The following XPNPEP1 variants were observed in gnomAD, a reference collection of about 807,000 sequenced individuals.
XPNPEP1 encodes xaa-Pro aminopeptidase 1.
Under a neutral mutation model 92.4 loss-of-function variants are expected in XPNPEP1, and 39 were observed. The observed-to-expected ratio is 0.42, with a 90% confidence interval of 0.33 to 0.55. The LOEUF is 0.55. XPNPEP1 is among the 20% of genes least tolerant of loss of function. XPNPEP1 has a pLI of 0.08. For synonymous variants in XPNPEP1, 307 were observed against 299.4 expected (o/e 1.03, Z -0.26); for missense variants, 654 against 856.1 (o/e 0.76, Z 2.95).
At chr10:109,909,001 T>G (rs1192382046) in intron 2 of XPNPEP1, among the ~76,000 whole-genome samples, 1 of 148,278 alleles carries the variant, frequency 6.7e-6, no homozygotes, top group African/African-American at 2.5e-5. Context: ...CCGGGTGCGG[T>G]GGCTCACACC....
chr10:109,909,592 T>A (rs1230909816), intron 2 of XPNPEP1, among the ~76,000 whole-genome samples: 2 of 152,186 alleles, frequency 1.3e-5, no homozygotes, highest in Non-Finnish European at 2.9e-5. Context: ...AGACCTTTTC[T>A]CAACAATCAC....
intron 14 of XPNPEP1, 50 bp from the exon 15 acceptor site, chr10:109,875,649 T>C: frequency 6.5e-7 from 1 of 1,548,148 alleles, no homozygotes; most frequent in Non-Finnish European, 8.9e-7. Flanking sequence ...AAACACTTAG[T>C]GAATCTGGGA....
chr10:109,893,165 A>C (rs1209096884), intron 3 of XPNPEP1, 90 bp from the exon 4 acceptor site: 1 of 1,229,032 alleles, frequency 8.1e-7, no homozygotes, highest in Non-Finnish European at 1.2e-6. Context: ...CTCAGCGGGG[A>C]CTATGAAGAC....
chr10:109,885,211 AAC>A (rs1161228991), intron 8 of XPNPEP1, among the ~76,000 whole-genome samples: 1 of 152,234 alleles, frequency 6.6e-6, no homozygotes, highest in African/African-American at 2.4e-5. Context: ...TCCTTAGGGA[AAC>A]AGTTAAATAA....
At chr10:109,868,112 G>A (rs567189889) in intron 20 of XPNPEP1, among the ~76,000 whole-genome samples, 70 of 152,190 alleles carry the variant, frequency 4.6e-4, no homozygotes, top group Admixed American at 9.8e-4. Flanking sequence ...AGTAGTAACC[G>A]AGAAGGGCTG....
intron 20 of XPNPEP1, among the ~76,000 whole-genome samples, chr10:109,865,728 A>C (rs1847104152): frequency 6.6e-6 from 1 of 152,162 alleles, no homozygotes; most frequent in Non-Finnish European, 1.5e-5. Context: ...TCCTATATCC[A>C]CTGAAAAAGC....
At chr10:109,884,429 C>T (rs528533910) in intron 8 of XPNPEP1, 2 of 357,630 alleles carry the variant, frequency 5.6e-6, no homozygotes, top group African/African-American at 2.1e-5. Flanking sequence ...GAACTGCCCC[C>T]ACAAGGAGTT....
intron 20 of XPNPEP1, among the ~76,000 whole-genome samples, chr10:109,868,354 C>T (rs971395807): frequency 2.6e-5 from 4 of 151,700 alleles, no homozygotes; most frequent in Admixed American, 2.6e-4. Context: ...ATACGAGTTC[C>T]ACCCACAAAC....
chr10:109,918,867 GGAA>G (rs1380757892), intron 1 of XPNPEP1, among the ~76,000 whole-genome samples: 8 of 46,118 alleles, frequency 1.7e-4, no homozygotes, highest in African/African-American at 8.8e-4. Flanking sequence ...AGGGAAGGAA[GGAA>G]GGAAGGAAGG....
intron 2 of XPNPEP1, among the ~76,000 whole-genome samples, chr10:109,913,010 G>A (rs1355248003): frequency 6.6e-6 from 1 of 152,180 alleles, no homozygotes; most frequent in Non-Finnish European, 1.5e-5. Flanking sequence ...TTTCAGAAAT[G>A]TTAGAAACAG....
At chr10:109,888,659 A>C in intron 5 of XPNPEP1, 64 bp from the exon 6 acceptor site, 1 of 1,319,804 alleles carries the variant, frequency 7.6e-7, no homozygotes, top group Non-Finnish European at 1.0e-6. Flanking sequence ...TCCCACCAGA[A>C]AGATACAATT....
chr10:109,879,910 TATA>T (rs1847996951), intron 12 of XPNPEP1, among the ~76,000 whole-genome samples: 1 of 152,214 alleles, frequency 6.6e-6, no homozygotes. Flanking sequence ...CATTTTTCCT[TATA>T]ATGAAATTCC....
At chr10:109,868,413 G>A (rs540419126) in intron 20 of XPNPEP1, among the ~76,000 whole-genome samples, 29 of 151,814 alleles carry the variant, frequency 1.9e-4, no homozygotes, top group Non-Finnish European at 3.7e-4. Flanking sequence ...TCCACCTGGA[G>A]GCCCAACAAA....
chr10:109,923,272 G>C (rs1850659139), intron 1 of XPNPEP1, 130 bp downstream of exon 1: 1 of 1,195,892 alleles, frequency 8.4e-7, no homozygotes, highest in African/African-American at 1.6e-5. Context: ...CGGCGAGCGC[G>C]GCCCTCGCCA....
intron 20 of XPNPEP1, among the ~76,000 whole-genome samples, chr10:109,866,274 T>C (rs1847138534): frequency 2.6e-5 from 4 of 152,100 alleles, no homozygotes; most frequent in Admixed American, 2.0e-4. Flanking sequence ...CACAAACCCA[T>C]TAATTACAAG....
At chr10:109,878,971 G>A (rs542996083) in intron 12 of XPNPEP1, among the ~76,000 whole-genome samples, 29 of 152,194 alleles carry the variant, frequency 1.9e-4, no homozygotes, top group East Asian at 5.8e-4. Flanking sequence ...GGCCAGGCAC[G>A]GTGGCTCACG....
At chr10:109,906,207 C>G (rs1212544863) in intron 3 of XPNPEP1, among the ~76,000 whole-genome samples, 1 of 152,194 alleles carries the variant, frequency 6.6e-6, no homozygotes, top group Non-Finnish European at 1.5e-5. Context: ...GACACAGACA[C>G]GCACACGTGC....
intron 14 of XPNPEP1, chr10:109,875,882 G>T: frequency 3.4e-6 from 1 of 294,270 alleles, no homozygotes; most frequent in Non-Finnish European, 6.5e-6. Context: ...AAACAAAATA[G>T]GTGTTCAAGA....
intron 3 of XPNPEP1, among the ~76,000 whole-genome samples, chr10:109,902,039 T>C (rs1177567896): frequency 2.6e-5 from 4 of 152,268 alleles, no homozygotes; most frequent in Non-Finnish European, 4.4e-5. Context: ...GAATATTACA[T>C]GTGTATCTCA....
Sources: allele counts gnomAD v4.1 joint callset (sites outside exome capture counted in the v4.1 genomes callset), GRCh38; gene constraint gnomAD v4.1.1; transcripts MANE v1.5; gene names NCBI Gene and HGNC (gene_info 2026-07-23, HGNC 2026-07-21).